The following F5 variants were observed in gnomAD, a reference collection of about 807,000 sequenced individuals.
F5 encodes the protein coagulation factor V, also known as activated protein c cofactor.
In F5, 138 loss-of-function variants were observed where a neutral mutation model predicts 216.4. The observed-to-expected ratio is 0.64, with a 90% confidence interval of 0.56 to 0.73. The LOEUF is 0.73. F5 is among the 30% of genes least tolerant of loss of function. The probability of loss-of-function intolerance (pLI) is 0.00; values close to 1 mark genes in which losing one functional copy is unlikely to be tolerated. For synonymous variants in F5, 916 were observed against 930.7 expected, an observed-to-expected ratio of 0.98 and a Z score of 0.29; for missense variants, 2,403 against 2,674.0, an observed-to-expected ratio of 0.90 and a Z score of 2.24.
intron 6 of F5, among the ~76,000 whole-genome samples, chr1:169,556,425 T>TAAAAA (rs61568675): frequency 0.026 from 1,557 of 58,942 alleles, 240 homozygotes; most frequent in African/African-American, 0.13. Flanking sequence ...TTTGCTTAAT[T>TAAAAA]AAAAAAAAAA....
intron 3 of F5, among the ~76,000 whole-genome samples, chr1:169,562,233 T>C (rs1660500285): frequency 1.3e-5 from 2 of 152,150 alleles, no homozygotes; most frequent in Non-Finnish European, 1.5e-5. Flanking sequence ...ATCTGCTTTA[T>C]TTCACTATAA....
intron 7 of F5, 121 bp from the exon 8 acceptor site, chr1:169,552,855 A>T (rs1442005396): frequency 2.6e-6 from 2 of 756,038 alleles, no homozygotes; most frequent in African/African-American, 3.5e-5. Context: ...TTCTCTAAAA[A>T]TTTCTTAGTG....
At chr1:169,536,479 G>C (rs1284135751) in intron 14 of F5, 27 bp downstream of exon 14, 1 of 1,605,018 alleles carries the variant, frequency 6.2e-7, no homozygotes, top group African/African-American at 1.3e-5. Flanking sequence ...TTCCTCCGAA[G>C]ATCTTAGCAG....
At chr1:169,528,209 C>A in intron 16 of F5, 115 bp from the exon 17 acceptor site, 1 of 1,299,728 alleles carries the variant, frequency 7.7e-7, no homozygotes, top group East Asian at 2.4e-5. Context: ...TTCTGCATTC[C>A]CAGGCCTACC....
At position 169,540,584 on chromosome 1, in the gene F5, A is replaced by G. The variant is rs1659810230; in HGVS notation, c.4506T>C (p.Phe1502=). 2.5e-6 allele frequency: 4 copies of G among 1,613,938 alleles called. No homozygotes were observed. Among genetic ancestry groups the G allele is most frequent in the South Asian group, 2.2e-5 (2 of 91,088 alleles). Residue 1502 remains phenylalanine (F), a synonymous_variant, in exon 13 of 25, where the codon TTT becomes TTC. Transcript: ENST00000367797. ...CCAGTGGATTAAATTCCTTTGATAG[A>G]AAAGTATCATTGAGAGTAGGAGATG... ...SPSSPTLNDT[F]LSKEFNPLVI... is the part of the protein sequence containing the mutation.
chr1:169,527,019 C>T (rs1215063881), intron 17 of F5, among the ~76,000 whole-genome samples: 3 of 152,068 alleles, frequency 2.0e-5, no homozygotes, highest in Non-Finnish European at 4.4e-5. Flanking sequence ...TCTGTGCCTG[C>T]ATCTGAGGCA....
At chr1:169,556,025 A>G (rs1278131976) in intron 6 of F5, among the ~76,000 whole-genome samples, 1 of 152,194 alleles carries the variant, frequency 6.6e-6, no homozygotes, top group African/African-American at 2.4e-5. Flanking sequence ...TAATCTCAAC[A>G]GTTTTAAAGC....
intron 2 of F5, among the ~76,000 whole-genome samples, chr1:169,578,756 A>C (rs928733003): frequency 3.9e-5 from 6 of 152,076 alleles, no homozygotes; most frequent in African/African-American, 1.4e-4. Flanking sequence ...TCAACTTCCT[A>C]CTCATAACTA....
chr1:169,553,488 C>A (rs949817859), intron 7 of F5, among the ~76,000 whole-genome samples: 1 of 152,212 alleles, frequency 6.6e-6, no homozygotes, highest in African/African-American at 2.4e-5. Context: ...GCGGGCAAAT[C>A]ACGAGGTCAG....
chr1:169,565,295 C>T (rs1239692459), intron 3 of F5, among the ~76,000 whole-genome samples: 2 of 152,040 alleles, frequency 1.3e-5, no homozygotes, highest in Non-Finnish European at 2.9e-5. Flanking sequence ...TCATTTTCTT[C>T]TACTAGATCA....
At chr1:169,559,597 T>C (rs1298529360) in intron 4 of F5, among the ~76,000 whole-genome samples, 1 of 152,100 alleles carries the variant, frequency 6.6e-6, no homozygotes. Flanking sequence ...TTTCCCCCAG[T>C]CTCAATAGAA....
chr1:169,573,479 G>A (rs9332516), intron 2 of F5, among the ~76,000 whole-genome samples: 6 of 152,092 alleles, frequency 3.9e-5, no homozygotes, highest in East Asian at 3.9e-4. Context: ...AGTGGTTGGA[G>A]TCTGGACATT....
chr1:169,523,430 G>A, intron 20 of F5, 78 bp from the exon 21 acceptor site: 1 of 1,538,296 alleles, frequency 6.5e-7, no homozygotes, highest in Non-Finnish European at 9.0e-7. Context: ...TATACAATCA[G>A]CTTTCTTCAG....
At position 169,582,448 on chromosome 1, in the gene F5, G is replaced by A. The variant is rs751483774; in HGVS notation, c.233C>T (p.Pro78Leu). Residue 78 changes from proline (P) to leucine (L), a missense_variant, in exon 2 of 25, where the codon CCA (proline) becomes CTA (leucine). By Grantham distance (98) the Pro-to-Leu change is moderately conservative. Around this residue, in one of 4 missense-constraint regions of F5, gnomAD observed 1,425 missense variants for 1,554.8 expected, o/e 0.92. Transcript: ENST00000367797. ...EYEPYFKKEK[P>L]QSTISGLLGP... Reference sequence around the variant, plus strand: ...AGGCTTACCTGAAATGGTAGATTGTGGTTTTTCTTTCTTAAAATATGGTTC... The same window carrying A: ...AGGCTTACCTGAAATGGTAGATTGTAGTTTTTCTTTCTTAAAATATGGTTC... 6.5e-7 allele frequency: 1 copy of A among 1,531,666 alleles called. No individual in the cohort carries two copies. Among genetic ancestry groups the A allele is most frequent in the Non-Finnish European group, 9.0e-7 (1 of 1,112,340 alleles). The allele number at this position is 1,531,666 out of a possible 1,614,324, so 94.9% of individuals were successfully genotyped here.
chr1:169,562,658 A>G (rs1222619098), intron 3 of F5, among the ~76,000 whole-genome samples: 4 of 151,904 alleles, frequency 2.6e-5, no homozygotes, highest in Non-Finnish European at 5.9e-5. Flanking sequence ...TTTACAATAT[A>G]TAGTACATTT....
chr1:169,542,514 C>G lies in F5; in HGVS notation c.2576G>C (p.Ser859Thr). Residue 859 changes from serine to threonine, a missense_variant, in exon 13 of 25, where the codon AGT becomes ACT. Around this residue, in one of 4 missense-constraint regions of F5, gnomAD observed 1,425 missense variants for 1,554.8 expected, o/e 0.92. Transcript: ENST00000367797. ...TCCCTTATGCTTAGCATGTTCTTGA[C>G]TTTTGAATTCTCCAGCACCAAGTGA... ...LLSLGAGEFK[S>T]QEHAKHKGPK... The G allele has an allele frequency of 6.2e-7, 1 of 1,614,102 alleles. No homozygotes were observed. Among genetic ancestry groups the G allele is most frequent in the Non-Finnish European group, 8.5e-7 (1 of 1,179,984 alleles).
Position 169,514,110 on chromosome 1 carries a change from C to T in F5, c.*203G>A. ...TTTCCTACCTGTATTCAAATTAATGCAGAAGTAATAGCCATTATCTTACTT... is the reference window on the plus strand; with the variant it reads ...TTTCCTACCTGTATTCAAATTAATGTAGAAGTAATAGCCATTATCTTACTT... On this transcript the variant is annotated 3_prime_UTR_variant, in exon 25 of 25. Transcript: ENST00000367797. 1 of 563,150 alleles carries T rather than the reference C, an allele frequency of 1.8e-6. No homozygotes were observed. Among genetic ancestry groups the T allele is most frequent in the Non-Finnish European group, 3.1e-6 (1 of 319,130 alleles). The allele number at this position is 563,150 out of a possible 1,614,324, so 34.9% of individuals were successfully genotyped here.
intron 17 of F5, 95 bp from the exon 18 acceptor site, chr1:169,526,112 A>G (rs1659444184): frequency 3.6e-6 from 3 of 840,578 alleles, no homozygotes; most frequent in Non-Finnish European, 6.0e-6. Flanking sequence ...CTGCTTCACA[A>G]GAGGCTTTCA....
In F5 at chr1:169,536,380, G is replaced by T. The variant is rs1659704968; in HGVS notation, c.4971+126C>A. 5.2e-6 allele frequency: 4 copies of T among 776,146 alleles called. No homozygotes were observed. In the South Asian group the frequency reaches 6.1e-5, roughly 12 times the overall value. 48.1% of individuals were successfully genotyped at this position (776,146 alleles called of 1,614,324 possible). ...TGGCAAGGAGTCTTTGAAAAGAAAT[G>T]TAATTATTCATTAATCCTGGAAAAC... On this transcript the variant is annotated intron_variant, in intron 14 of 24. Coordinates refer to ENST00000367797, the MANE Select transcript of F5 (RefSeq NM_000130.5).
Sources: gnomAD v4.1 joint callset for allele counts (sites outside exome capture counted in the v4.1 genomes callset) on GRCh38, gnomAD v4.1.1 for gene constraint, gnomAD v4.1.1 regional missense constraint, MANE v1.5 for transcripts, NCBI Gene and HGNC (gene_info 2026-07-23, HGNC 2026-07-21) for gene names.